The following CFAP45 variants were observed in gnomAD, a reference collection of about 807,000 sequenced individuals.
CFAP45 encodes cilia- and flagella-associated protein 45.
A neutral mutation model predicts 75.6 loss-of-function variants in CFAP45; 43 were observed. The ratio of observed to expected loss-of-function variants is 0.57; its 90% CI spans 0.45 to 0.73. The LOEUF (loss-of-function observed/expected upper bound fraction) is 0.73, where lower values mean the gene tolerates loss of function less well. Ranked by LOEUF, CFAP45 falls within the 30% of genes least tolerant of loss-of-function variation. The pLI is 0.00. For missense variants in CFAP45, 689 were observed against 701.5 expected (o/e 0.98, Z 0.20); for synonymous variants, 223 against 244.6 (o/e 0.91, Z 0.82).
At chr1:159,897,629 G>A (rs1414113077) in intron 1 of CFAP45, among the ~76,000 whole-genome samples, 1 of 152,132 alleles carries the variant, frequency 6.6e-6, no homozygotes, top group Non-Finnish European at 1.5e-5. Context: ...ATGTTTGTAT[G>A]GCAGGTATGT....
At chr1:159,886,072 G>A (rs997683550) in intron 6 of CFAP45, among the ~76,000 whole-genome samples, 7 of 152,004 alleles carry the variant, frequency 4.6e-5, no homozygotes, top group African/African-American at 1.7e-4. Context: ...GATTCTGGCC[G>A]GGCTCACGCC....
intron 2 of CFAP45, among the ~76,000 whole-genome samples, chr1:159,891,096 T>C (rs1447295910): frequency 6.6e-6 from 1 of 152,180 alleles, no homozygotes; most frequent in African/African-American, 2.4e-5. Flanking sequence ...CTTGTTCTTA[T>C]ACAGATATTC....
chr1:159,889,616 T>G (rs1649780333), intron 3 of CFAP45, among the ~76,000 whole-genome samples: 1 of 152,222 alleles, frequency 6.6e-6, no homozygotes, highest in Non-Finnish European at 1.5e-5. Context: ...TTTTCAGGAC[T>G]AGATGGCTCC....
chr1:159,880,469 T>C (rs1473327661), intron 8 of CFAP45, 85 bp downstream of exon 8: 2 of 1,273,738 alleles, frequency 1.6e-6, no homozygotes, highest in Non-Finnish European at 2.2e-6. Flanking sequence ...TGCCTTCCAC[T>C]GGAGTTCCCT....
chr1:159,897,985 T>A, intron 1 of CFAP45: 7 of 416,936 alleles, frequency 1.7e-5, no homozygotes, highest in Non-Finnish European at 2.3e-5. Context: ...AGTGTGAAGT[T>A]TCCCTGATGT....
Position 159,894,399 on chromosome 1 carries a change from C to T in CFAP45, c.4-1094G>A, listed in dbSNP as rs532459791. ...TGCTTCAAGTCTTTCTCACAAATGA[C>T]GCTACTGTTTGACCTCCTTCGTGTC... On this transcript the variant is annotated intron_variant, in intron 1 of 11. Transcript: ENST00000368099. 1.1e-4 allele frequency among the ~76,000 whole-genome samples: 16 copies of T among 152,334 alleles called. No individual in the cohort carries two copies. In the South Asian group the frequency reaches 1.2e-3, roughly 12 times the overall value.
chr1:159,886,380 G>C (rs553178759), intron 6 of CFAP45, 131 bp downstream of exon 6: 1 of 816,356 alleles, frequency 1.2e-6, no homozygotes, highest in East Asian at 2.5e-5. Context: ...GTATCACTTC[G>C]TAAAGTTTTG....
At chr1:159,875,749 C>T (rs887377722) in intron 10 of CFAP45, among the ~76,000 whole-genome samples, 1 of 152,138 alleles carries the variant, frequency 6.6e-6, no homozygotes, top group African/African-American at 2.4e-5. Flanking sequence ...GAGTCATTCC[C>T]AGTTAGACCA....
chr1:159,887,475 C>T lies in CFAP45; in HGVS notation c.588+366G>A, dbSNP rs546838948. Among the ~76,000 whole-genome samples the T allele has an allele frequency of 2.0e-5, 3 of 152,348 alleles. No individual in the cohort carries two copies. The East Asian group carries it at 5.8e-4, about 29-fold the overall frequency. ...CCATACGTGGCCAGAACTGAACTAA[C>T]AGGATGAAAATAAAAGTAACACTGC... On this transcript the variant is annotated intron_variant, in intron 5 of 11. Transcript: ENST00000368099.
chr1:159,881,150 A>T (rs896230104), intron 7 of CFAP45, among the ~76,000 whole-genome samples: 4 of 152,204 alleles, frequency 2.6e-5, no homozygotes, highest in African/African-American at 9.6e-5. Flanking sequence ...TTTCTTGAGC[A>T]CTGTACACAG....
At chr1:159,882,248 C>T (rs1465063924) in intron 7 of CFAP45, among the ~76,000 whole-genome samples, 1 of 152,150 alleles carries the variant, frequency 6.6e-6, no homozygotes, top group Non-Finnish European at 1.5e-5. Flanking sequence ...TCCCCCTTCT[C>T]CCTTTCTTCC....
intron 2 of CFAP45, 47 bp downstream of exon 2, chr1:159,893,133 C>T (rs765459098): frequency 3.7e-6 from 6 of 1,608,108 alleles, no homozygotes; most frequent in Non-Finnish European, 5.1e-6. Context: ...ATTTTTGGGC[C>T]TCTGCCTGCA....
At chr1:159,898,462 C>T (rs1650000507) in intron 1 of CFAP45, among the ~76,000 whole-genome samples, 1 of 152,242 alleles carries the variant, frequency 6.6e-6, no homozygotes. Flanking sequence ...CGTACACGAA[C>T]ACACACAGCT....
At chr1:159,890,756 TC>T (rs1649809339) in intron 2 of CFAP45, 134 bp from the exon 3 acceptor site, 13 of 545,556 alleles carry the variant, frequency 2.4e-5, no homozygotes, top group Non-Finnish European at 3.2e-5. Context: ...GCTTTTCTTT[TC>T]TTTTTTTTTT....
rs544356651 is a variant in CFAP45, at chr1:159,888,516, A to G, written c.273-20T>C. On this transcript the variant is annotated intron_variant, in intron 3 of 11. Coordinates refer to ENST00000368099, the MANE Select transcript of CFAP45 (RefSeq NM_012337.3). ...GGAACACTGTCACAAGAATAAACAG[A>G]GTTAGGGAGGGGAGAGGGAAAGCTC... 10 of 1,611,642 alleles carry G rather than the reference A, an allele frequency of 6.2e-6. No individual in the cohort carries two copies. In the South Asian group the frequency reaches 1.1e-4, roughly 18 times the overall value.
Position 159,872,974 on chromosome 1 carries a change from T to G in CFAP45, c.1547A>C (p.Glu516Ala). The G allele has an allele frequency of 1.2e-6, 2 of 1,614,214 alleles. No individual in the cohort carries two copies. The highest frequency in any genetic ancestry group is 1.7e-6 in the Non-Finnish European group (2 of 1,180,032). Residue 516 changes from glutamate (E) to alanine (A), a missense_variant, in exon 11 of 12, where the codon GAG (glutamate) becomes GCG (alanine). Physicochemically the swap from Glu to Ala is moderately radical, Grantham distance 107 (BLOSUM62 -1). Transcript: ENST00000368099. ...CTCTTCAAGCTTTTTCCTCTTGATC[T>G]CATCGATGCGCTCACGGCGTTTCTG... ...EAQKRRERIDEIKRKKLEELR... is the reference protein window; with the variant it reads ...EAQKRRERIDAIKRKKLEELR...
intron 1 of CFAP45, 143 bp downstream of exon 1, chr1:159,899,953 G>A: frequency 2.6e-6 from 2 of 765,470 alleles, no homozygotes; most frequent in South Asian, 3.6e-5. Context: ...GATCTCCCTT[G>A]CTTCTTCTAG....
intron 9 of CFAP45, among the ~76,000 whole-genome samples, chr1:159,876,978 C>T (rs1649419456): frequency 6.6e-6 from 1 of 152,192 alleles, no homozygotes; most frequent in Non-Finnish European, 1.5e-5. Context: ...CCACTCATCC[C>T]AGTTCTTTCC....
At chr1:159,873,341 A>G (rs7527219) in intron 10 of CFAP45, 173 bp from the exon 11 acceptor site, 393,208 of 611,252 alleles carry the variant, frequency 0.64, 129,585 homozygotes, top group East Asian at 0.74. Flanking sequence ...AAGCTGCTGC[A>G]CATGCATGCC....
Sources: gnomAD v4.1 joint callset for allele counts (sites outside exome capture counted in the v4.1 genomes callset) on GRCh38, gnomAD v4.1.1 for gene constraint, MANE v1.5 for transcripts, NCBI Gene and HGNC (gene_info 2026-07-23, HGNC 2026-07-21) for gene names.